The following ANKRD28 variants were observed in gnomAD, a reference collection of about 807,000 sequenced individuals.
ANKRD28 encodes ankyrin repeat domain 28, also known as serine/threonine-protein phosphatase 6 regulatory ankyrin repeat subunit A.
A neutral mutation model predicts 126.5 loss-of-function variants in ANKRD28; 44 were observed. The observed-to-expected ratio is 0.35, with a 90% confidence interval of 0.27 to 0.45. The LOEUF (loss-of-function observed/expected upper bound fraction) is 0.45, where lower values mean the gene tolerates loss of function less well. Among genes scored for constraint, ANKRD28 ranks in the 20% least tolerant of loss-of-function variants. The pLI, the probability that ANKRD28 is intolerant of heterozygous loss-of-function variation, is 1.00. For synonymous variants in ANKRD28, 442 were observed against 468.5 expected (o/e 0.94, Z 0.73); for missense variants, 1,110 against 1,316.6 (o/e 0.84, Z 2.43).
At chr3:15,762,219 CAAAAA>C (rs1553624317) in intron 3 of ANKRD28, among the ~76,000 whole-genome samples, 8 of 37,886 alleles carry the variant, frequency 2.1e-4, no homozygotes, top group African/African-American at 4.0e-4. Flanking sequence ...AAAAACAAAA[CAAAAA>C]AAAAAAAACT....
Position 15,854,736 on chromosome 3 carries a change from C to CT in ANKRD28, c.27+4640_27+4641insA, listed in dbSNP as rs1491441438. Among the ~76,000 whole-genome samples the CT allele has an allele frequency of 2.6e-5, 4 of 152,180 alleles. No individual in the cohort carries two copies. In the East Asian group the frequency reaches 7.7e-4, roughly 29 times the overall value. On this transcript the variant is annotated intron_variant, in intron 1 of 27. Coordinates refer to the ANKRD28 transcript ENST00000399451. This position sits in a 1 kb window ranked among gnomAD's most constrained non-coding sequence, Gnocchi z 4.1. The stretch of plus-strand genomic sequence containing the variant: ...GATGGTAGCTACTTCACCCTTGTGT[C>CT]CCCTGTCATCTCCAGCACAAAACAG...
At chr3:15,696,086 A>C (rs538069100) in intron 15 of ANKRD28, 48 bp downstream of exon 15, 1 of 1,238,460 alleles carries the variant, frequency 8.1e-7, no homozygotes, top group African/African-American at 1.5e-5. Context: ...TTACATTATT[A>C]GACTATAAAC....
intron 18 of ANKRD28, among the ~76,000 whole-genome samples, chr3:15,689,246 T>G (rs1478961831): frequency 6.6e-6 from 1 of 152,166 alleles, no homozygotes; most frequent in African/African-American, 2.4e-5. Flanking sequence ...CAGAGATAAG[T>G]CCAGGCTGTA....
At chr3:15,736,173 C>T (rs571893855) in intron 5 of ANKRD28, among the ~76,000 whole-genome samples, 1 of 152,304 alleles carries the variant, frequency 6.6e-6, no homozygotes, top group East Asian at 1.9e-4. Context: ...GACTACACTA[C>T]AGTTACAGTG....
Position 15,686,207 on chromosome 3 carries a change from T to C in ANKRD28, c.2051+15A>G. ...ACGCCCTTCTGTGATGCAACAATTA[T>C]TTATCGAAACTTACTGTCCATTTCC... On this transcript the variant is annotated intron_variant, in intron 19 of 27. Coordinates refer to ENST00000683139, the MANE Select transcript of ANKRD28 (RefSeq NM_001349278.2). 6.3e-7 allele frequency: 1 copy of C among 1,589,682 alleles called. No individual in the cohort carries two copies.
At chr3:15,792,989 T>C (rs1047998745) in intron 2 of ANKRD28, among the ~76,000 whole-genome samples, 1 of 152,106 alleles carries the variant, frequency 6.6e-6, no homozygotes, top group Non-Finnish European at 1.5e-5. Context: ...ACAATGACTA[T>C]TTAATGGTAG....
chr3:15,742,109 T>A (rs1311418965), intron 4 of ANKRD28, among the ~76,000 whole-genome samples: 7 of 152,222 alleles, frequency 4.6e-5, no homozygotes, highest in Non-Finnish European at 8.8e-5. Context: ...CCCAGCCACC[T>A]GCCTTGGCCT....
At chr3:15,727,394 C>A (rs889545452) in intron 6 of ANKRD28, among the ~76,000 whole-genome samples, 12 of 151,634 alleles carry the variant, frequency 7.9e-5, no homozygotes, top group African/African-American at 2.9e-4. Context: ...TGGTGAAACC[C>A]TGTCTCTACT....
At chr3:15,671,615 G>C (rs942657056) in intron 27 of ANKRD28, among the ~76,000 whole-genome samples, 1 of 140,948 alleles carries the variant, frequency 7.1e-6, no homozygotes, top group Non-Finnish European at 1.5e-5. Context: ...GACAGAGTCT[G>C]CTCGGTCACC....
chr3:15,801,840 A>G (rs2060471126), upstream of ANKRD28, among the ~76,000 whole-genome samples: 1 of 152,226 alleles, frequency 6.6e-6, no homozygotes, highest in East Asian at 1.9e-4. The surrounding 1 kb of genome is among the most constrained non-coding windows in gnomAD (Gnocchi z 4.9). Flanking sequence ...TTTATGATCC[A>G]GGACACTTAT....
chr3:15,673,037 A>G (rs1223150609), intron 27 of ANKRD28, among the ~76,000 whole-genome samples: 2 of 152,216 alleles, frequency 1.3e-5, no homozygotes, highest in Non-Finnish European at 2.9e-5. Context: ...TGTGCCTCCC[A>G]AAGTGCTAGG....
intron 4 of ANKRD28, among the ~76,000 whole-genome samples, chr3:15,747,206 T>G (rs1023591579): frequency 6.6e-6 from 1 of 151,794 alleles, no homozygotes; most frequent in Admixed American, 6.6e-5. Context: ...AGTTCTGCTC[T>G]GATCTTCATT....
chr3:15,779,754 A>G (rs150369524), intron 2 of ANKRD28, among the ~76,000 whole-genome samples: 343 of 152,348 alleles, frequency 2.3e-3, no homozygotes, highest in African/African-American at 7.9e-3. Context: ...GAATCTAGTT[A>G]TTAATTCATG....
chr3:15,715,889 CA>C (rs1207741098), intron 8 of ANKRD28, among the ~76,000 whole-genome samples: 1 of 151,756 alleles, frequency 6.6e-6, no homozygotes, highest in African/African-American at 2.4e-5. Flanking sequence ...AAAAAAAGGG[CA>C]AAAAAGCATC....
chr3:15,722,484 G>GT (rs548808566), intron 7 of ANKRD28, among the ~76,000 whole-genome samples: 18 of 152,090 alleles, frequency 1.2e-4, no homozygotes, highest in Non-Finnish European at 2.6e-4. Flanking sequence ...TTTGTATCTT[G>GT]TCCCTGTAAT....
chr3:15,735,429 G>T lies in ANKRD28; in HGVS notation c.621C>A (p.Ile207=). 2 of 1,558,638 alleles carry T rather than the reference G, an allele frequency of 1.3e-6. No individual in the cohort carries two copies. The highest frequency in any genetic ancestry group is 1.7e-6 in the Non-Finnish European group (2 of 1,150,240). ...NAFDKKDRRA[I]HWAAYMGHIE... The stretch of plus-strand genomic sequence containing the variant: ...ACATACCCATATATGCTGCCCAATG[G>T]ATAGCACGCCTATCTTTCTTGTCAA... The change falls in exon 6 of 28, where the codon ATC becomes ATA. Residue 207 remains isoleucine, a synonymous_variant. Transcript: ENST00000683139.
intron 17 of ANKRD28, among the ~76,000 whole-genome samples, chr3:15,693,818 T>C (rs2069146914): frequency 6.6e-6 from 1 of 152,124 alleles, no homozygotes; most frequent in Non-Finnish European, 1.5e-5. Flanking sequence ...ATAGGAAGTA[T>C]CAGTAGGGAG....
chr3:15,805,069 T>C (rs1265293717), intron 1 of ANKRD28, among the ~76,000 whole-genome samples: 2 of 145,404 alleles, frequency 1.4e-5, no homozygotes, highest in African/African-American at 5.1e-5. Context: ...CAAGTAAGTG[T>C]AGATTCAACA....
chr3:15,741,192 C>T (rs1052004796), intron 4 of ANKRD28, among the ~76,000 whole-genome samples: 2 of 150,928 alleles, frequency 1.3e-5, no homozygotes, highest in Admixed American at 6.6e-5. Context: ...GAGCGAGACT[C>T]CATCTCAAAA....
Sources: allele counts gnomAD v4.1 joint callset (sites outside exome capture counted in the v4.1 genomes callset), GRCh38; gene constraint gnomAD v4.1.1; non-coding constraint Gnocchi (gnomAD v3.1); transcripts MANE v1.5; gene names NCBI Gene and HGNC (gene_info 2026-07-23, HGNC 2026-07-21).